Variants in SLC36A1 observed in about 807,000 individuals in gnomAD.
The protein encoded by SLC36A1 is proton-coupled amino acid transporter 1.
In SLC36A1, 30 loss-of-function variants were observed where a neutral mutation model predicts 47.5. That is an observed-to-expected ratio of 0.63 (90% CI 0.47 to 0.86). SLC36A1 has a LOEUF of 0.86. Ranked by LOEUF, SLC36A1 falls within the 40% of genes least tolerant of loss-of-function variation. SLC36A1 has a pLI of 0.00. For synonymous variants in SLC36A1, 255 were observed against 249.7 expected (o/e 1.02, Z -0.20); for missense variants, 517 against 606.0 (o/e 0.85, Z 1.54).
the SLC36A1 span, among the ~76,000 whole-genome samples, chr5:151,530,585 AG>A: frequency 6.6e-6 from 1 of 152,260 alleles, no homozygotes; most frequent in Non-Finnish European, 1.5e-5. Context: ...TTCAGTATGT[AG>A]ATGTTTTGGG....
At chr5:151,416,155 A>G in the SLC36A1 span, among the ~76,000 whole-genome samples, 1 of 152,148 alleles carries the variant, frequency 6.6e-6, no homozygotes, top group African/African-American at 2.4e-5. Flanking sequence ...AGTCTATCTG[A>G]CTTTAAGTCC....
chr5:151,403,229 G>T, the SLC36A1 span, among the ~76,000 whole-genome samples: 5,989 of 152,076 alleles, frequency 0.039, 393 homozygotes, highest in African/African-American at 0.14. Flanking sequence ...CTATTTCAAA[G>T]AATCTTTTGA....
In SLC36A1 at chr5:151,467,749, A is replaced by G; in HGVS notation, c.547A>G (p.Asn183Asp). 1.2e-6 allele frequency: 2 copies of G among 1,613,392 alleles called. No individual in the cohort carries two copies. The highest frequency in any genetic ancestry group is 1.7e-6 in the Non-Finnish European group (2 of 1,179,964). The change falls in exon 7 of 11, where the codon AAT (asparagine) becomes GAT (aspartate). Residue 183 changes from asparagine to aspartate, a missense_variant. Asn to Asp is a conservative substitution (Grantham distance 23, BLOSUM62 1). Transcript: ENST00000243389. ...ANGTTNNCHN[N>D]ETVILTPTMD... ...TGGGACCACCAATAACTGCCACAACAATGAGACGGTGATTCTGACGCCTAC... is the reference window on the plus strand; with the variant it reads ...TGGGACCACCAATAACTGCCACAACGATGAGACGGTGATTCTGACGCCTAC...
At chr5:151,385,037 T>TGTGTGA in the SLC36A1 span, among the ~76,000 whole-genome samples, 9 of 142,204 alleles carry the variant, frequency 6.3e-5, no homozygotes, top group African/African-American at 2.2e-4. Flanking sequence ...TGTGTGTGTG[T>TGTGTGA]GAGAGAGAGA....
At chr5:151,430,346 T>TTTTTTTTTTG in the SLC36A1 span, among the ~76,000 whole-genome samples, 1 of 148,552 alleles carries the variant, frequency 6.7e-6, no homozygotes, top group Admixed American at 6.6e-5. Flanking sequence ...TTTTTTTTTT[T>TTTTTTTTTTG]GAGACTGAGC....
the SLC36A1 span, chr5:151,527,313 G>A: frequency 6.2e-7 from 1 of 1,613,746 alleles, no homozygotes; most frequent in South Asian, 1.1e-5. Flanking sequence ...AGCGATGTCT[G>A]TGTCCTCATG....
At chr5:151,541,181 AC>A in the SLC36A1 span, among the ~76,000 whole-genome samples, 1 of 152,180 alleles carries the variant, frequency 6.6e-6, no homozygotes, top group South Asian at 2.1e-4. Context: ...CTAAGGACCC[AC>A]CCTAAGTGGA....
the SLC36A1 span, among the ~76,000 whole-genome samples, chr5:151,514,548 T>C: frequency 1.3e-5 from 2 of 152,242 alleles, no homozygotes; most frequent in African/African-American, 2.4e-5. Flanking sequence ...GCAGCTTTGC[T>C]CACGAGCCTC....
chr5:151,418,165 A>G, the SLC36A1 span, among the ~76,000 whole-genome samples: 1 of 152,270 alleles, frequency 6.6e-6, no homozygotes, highest in Non-Finnish European at 1.5e-5. Context: ...GTGTCCAGAC[A>G]GAAGTTTGCT....
the SLC36A1 span, among the ~76,000 whole-genome samples, chr5:151,553,956 G>T: frequency 2.0e-5 from 3 of 152,182 alleles, no homozygotes; most frequent in Non-Finnish European, 2.9e-5. Context: ...GCACCCATGC[G>T]CTAGCTACCT....
the SLC36A1 span, among the ~76,000 whole-genome samples, chr5:151,365,711 C>T: frequency 6.6e-6 from 1 of 152,228 alleles, no homozygotes; most frequent in Non-Finnish European, 1.5e-5. Context: ...GACTCCACCC[C>T]TTACTAACTG....
chr5:151,507,311 G>A, the SLC36A1 span: 3 of 1,614,196 alleles, frequency 1.9e-6, no homozygotes, highest in South Asian at 3.3e-5. Flanking sequence ...CAGAGGCCTT[G>A]CTGGGTTCCG....
At chr5:151,549,993 C>T in the SLC36A1 span, among the ~76,000 whole-genome samples, 5 of 152,054 alleles carry the variant, frequency 3.3e-5, no homozygotes, top group African/African-American at 4.8e-5. Flanking sequence ...GGCCAGGCTC[C>T]GATTCTGGTT....
At position 151,454,241 on chromosome 5, in the gene SLC36A1, C is replaced by A. The variant is rs945869736; in HGVS notation, c.-5-4547C>A. Among the ~76,000 whole-genome samples, 3 of 152,082 alleles carry A rather than the reference C, an allele frequency of 2.0e-5. No homozygotes were observed. In the South Asian group the frequency reaches 6.2e-4, roughly 31 times the overall value. On this transcript the variant is annotated intron_variant, in intron 1 of 10. Coordinates refer to ENST00000243389, the MANE Select transcript of SLC36A1 (RefSeq NM_078483.4). ...AGGACAAGCTTGCCTTCAACTCTCA[C>A]ATAGTACAACCCTCATTTAGACAGT...
At chr5:151,507,552 T>G in the SLC36A1 span, 3 of 1,614,044 alleles carry the variant, frequency 1.9e-6, no homozygotes, top group Non-Finnish European at 2.5e-6. Flanking sequence ...GTCCCCCCTT[T>G]GGATCTCGGG....
At chr5:151,458,327 T>TAC (rs1561737971) in intron 1 of SLC36A1, among the ~76,000 whole-genome samples, 62 of 114,770 alleles carry the variant, frequency 5.4e-4, no homozygotes, top group Non-Finnish European at 6.7e-4. Context: ...TATATATATA[T>TAC]ATATATGGGA....
chr5:151,353,660 G>A, the SLC36A1 span, among the ~76,000 whole-genome samples: 1 of 152,016 alleles, frequency 6.6e-6, no homozygotes, highest in Admixed American at 6.5e-5. Context: ...TATCTACCAT[G>A]AGTATCATGG....
chr5:151,512,737 T>A, the SLC36A1 span: 2 of 820,056 alleles, frequency 2.4e-6, no homozygotes, highest in South Asian at 3.6e-5. The surrounding 1 kb of genome is among the most constrained non-coding windows in gnomAD (Gnocchi z 4.1). Context: ...GTTTTAGACA[T>A]GGCATTTGCA....
chr5:151,544,450 G>A, the SLC36A1 span: 1 of 1,614,170 alleles, frequency 6.2e-7, no homozygotes, highest in Non-Finnish European at 8.5e-7. Context: ...CCCTGTTACT[G>A]TTAGGACACC....
Sources: allele counts gnomAD v4.1 joint callset (sites outside exome capture counted in the v4.1 genomes callset), GRCh38; gene constraint gnomAD v4.1.1; non-coding constraint Gnocchi (gnomAD v3.1); transcripts MANE v1.5; gene names NCBI Gene and HGNC (gene_info 2026-07-23, HGNC 2026-07-21).